STAT4: variants seen among roughly 807,000 people sequenced by gnomAD.
STAT4 encodes signal transducer and activator of transcription 4.
STAT4 carries 42 observed loss-of-function variants against 110.5 expected under a neutral mutation model. The observed-to-expected ratio is 0.38, with a 90% CI of 0.30 to 0.49. The LOEUF is 0.49. Among genes scored for constraint, STAT4 ranks in the 20% least tolerant of loss-of-function variants. The pLI is 0.95. For synonymous variants in STAT4, 284 were observed against 302.2 expected (o/e 0.94, Z 0.63); for missense variants, 632 against 887.9 (o/e 0.71, Z 3.66).
At chr2:191,100,377 G>A (rs1338065622) in intron 3 of STAT4, among the ~76,000 whole-genome samples, 3 of 152,176 alleles carry the variant, frequency 2.0e-5, no homozygotes, top group African/African-American at 7.2e-5. Context: ...TGGGCATGAG[G>A]ATGGCCCAGA....
intron 3 of STAT4, among the ~76,000 whole-genome samples, chr2:191,094,821 T>G (rs531608064): frequency 6.8e-6 from 1 of 147,828 alleles, no homozygotes; most frequent in South Asian, 2.1e-4. Flanking sequence ...TCAAGACCCA[T>G]CAGTGTGCTA....
At chr2:191,126,511 C>T (rs1046079938) in intron 3 of STAT4, among the ~76,000 whole-genome samples, 7 of 152,212 alleles carry the variant, frequency 4.6e-5, no homozygotes, top group African/African-American at 1.2e-4. Context: ...ACTGTGAACA[C>T]CTTCATGTCG....
rs184000851 is a variant in STAT4, at chr2:191,048,416, G to T, written c.1251+6074C>A. Among the ~76,000 whole-genome samples the T allele has an allele frequency of 1.1e-4, 16 of 152,248 alleles. No individual in the cohort carries two copies. The South Asian group carries it at 3.1e-3, about 30-fold the overall frequency. The stretch of plus-strand genomic sequence containing the variant: ...TATTTCATCAGTGTAGTCTAAGCTA[G>T]AACACTATTCAGTCTCACATTCGCA... On this transcript the variant is annotated intron_variant, in intron 14 of 23. Transcript: ENST00000392320.
At position 191,097,511 on chromosome 2, in the gene STAT4, A is replaced by C. The variant is rs186550970; in HGVS notation, c.274-21186T>G. 5.2e-3 allele frequency among the ~76,000 whole-genome samples: 784 copies of C among 152,212 alleles called. 7 individuals carry two copies. The highest frequency in any genetic ancestry group is 0.018 in the African/African-American group (738 of 41,502). On this transcript the variant is annotated intron_variant, in intron 3 of 23. Transcript: ENST00000392320. ...CTTTGACAAACCTGAGAAAAACAAG[A>C]AATGGGGAAAGGATTCCCTATTTAA...
At chr2:191,123,461 C>G (rs1383511353) in intron 3 of STAT4, among the ~76,000 whole-genome samples, 1 of 152,166 alleles carries the variant, frequency 6.6e-6, no homozygotes, top group Non-Finnish European at 1.5e-5. Flanking sequence ...TCTTCTGGTC[C>G]CATCCAGCCT....
At position 191,098,269 on chromosome 2, in the gene STAT4, A is replaced by G. The variant is rs183085774; in HGVS notation, c.274-21944T>C. Among the ~76,000 whole-genome samples the G allele has an allele frequency of 5.8e-3, 883 of 152,350 alleles. 9 individuals are homozygous for G. Among genetic ancestry groups the G allele is most frequent in the Admixed American group, 0.015 (231 of 15,304 alleles). On this transcript the variant is annotated intron_variant, in intron 3 of 23. Transcript: ENST00000392320. ...CCAGCGATCCCATTACTGGGTATAC[A>G]TCCAAAGGATTATAAATCATTCTAC...
chr2:191,118,903 T>C (rs1039353893), intron 3 of STAT4, among the ~76,000 whole-genome samples: 3 of 152,148 alleles, frequency 2.0e-5, no homozygotes, highest in Admixed American at 1.3e-4. Flanking sequence ...GAAGTAAATG[T>C]GCATGCCACC....
Position 191,147,650 on chromosome 2 carries a change from A to G in STAT4, c.128+426T>C, listed in dbSNP as rs1385643506. ...TGAATAGTACACCAAAAACAATGGT[A>G]AATTTTATGTTATGTGTATTTTACC... On this transcript the variant is annotated intron_variant, in intron 2 of 23. Transcript: ENST00000392320. This position sits in a 1 kb window ranked among gnomAD's most constrained non-coding sequence, Gnocchi z 4.1. 6.6e-6 allele frequency among the ~76,000 whole-genome samples: 1 copy of G among 152,186 alleles called. No individual in the cohort carries two copies. Among genetic ancestry groups the G allele is most frequent in the African/African-American group, 2.4e-5 (1 of 41,456 alleles).
At position 191,053,191 on chromosome 2, in the gene STAT4, A is replaced by G. The variant is rs750194667; in HGVS notation, c.1251+1299T>C. Among the ~76,000 whole-genome samples the G allele has an allele frequency of 3.9e-5, 6 of 152,166 alleles. No individual in the cohort carries two copies. Among genetic ancestry groups the G allele is most frequent in the Non-Finnish European group, 5.9e-5 (4 of 68,026 alleles). Reference sequence around the variant, plus strand: ...ACAATTCAAAGATCTTTTTCATGGGAGCTGTGACTATAAAGCCAAGAGTTT... The same window carrying G: ...ACAATTCAAAGATCTTTTTCATGGGGGCTGTGACTATAAAGCCAAGAGTTT... On this transcript the variant is annotated intron_variant, in intron 14 of 23. Transcript: ENST00000392320. This position sits in a 1 kb window ranked among gnomAD's most constrained non-coding sequence, Gnocchi z 4.5.
intron 3 of STAT4, among the ~76,000 whole-genome samples, chr2:191,120,199 A>G (rs967720385): frequency 6.6e-6 from 1 of 152,222 alleles, no homozygotes; most frequent in Admixed American, 6.5e-5. Context: ...ATTGAGCCTC[A>G]ATTAAAACTA....
intron 3 of STAT4, among the ~76,000 whole-genome samples, chr2:191,088,010 T>A (rs1480730730): frequency 6.6e-6 from 1 of 152,158 alleles, no homozygotes; most frequent in Non-Finnish European, 1.5e-5. Context: ...ACCACTCCTA[T>A]TCAGCATCAT....
At chr2:191,149,626 G>T (rs992278217) in intron 1 of STAT4, among the ~76,000 whole-genome samples, 14 of 152,142 alleles carry the variant, frequency 9.2e-5, no homozygotes, top group African/African-American at 3.4e-4. Context: ...AATGTGTGAG[G>T]CTTCTAAGGG....
rs953345164 is a variant in STAT4, at chr2:191,086,990, A to G, written c.274-10665T>C. On this transcript the variant is annotated intron_variant, in intron 3 of 23. Transcript: ENST00000392320. This position sits in a 1 kb window ranked among gnomAD's most constrained non-coding sequence, Gnocchi z 5.5. ...TGAAGTGCCTCAGAGGCTCTAGAAA[A>G]CTAGTATAGAGACTGATTGCTCTTG... Among the ~76,000 whole-genome samples the G allele has an allele frequency of 6.6e-6, 1 of 152,060 alleles. No homozygotes were observed. The highest frequency in any genetic ancestry group is 1.5e-5 in the Non-Finnish European group (1 of 67,994).
intron 3 of STAT4, among the ~76,000 whole-genome samples, chr2:191,137,905 C>T (rs1699222784): frequency 2.0e-5 from 3 of 152,034 alleles, no homozygotes; most frequent in African/African-American, 7.2e-5. Flanking sequence ...TTATAAACTG[C>T]TACAAGATAA....
intron 3 of STAT4, among the ~76,000 whole-genome samples, chr2:191,106,483 C>T (rs889460260): frequency 7.3e-5 from 11 of 151,486 alleles, no homozygotes; most frequent in Non-Finnish European, 1.5e-4. Flanking sequence ...GGTGAAATTT[C>T]GTCTCTACTA....
chr2:191,129,194 T>G (rs1698963661), intron 3 of STAT4, among the ~76,000 whole-genome samples: 1 of 152,166 alleles, frequency 6.6e-6, no homozygotes, highest in Admixed American at 6.5e-5. Context: ...CATGAATTCA[T>G]TTACCAGTTA....
intron 13 of STAT4, among the ~76,000 whole-genome samples, chr2:191,055,418 A>C (rs1696658062): frequency 8.1e-6 from 1 of 123,218 alleles, no homozygotes; most frequent in Non-Finnish European, 1.6e-5. Flanking sequence ...ACGGGGTTTC[A>C]CTGTGTTAGC....
Position 191,031,247 on chromosome 2 carries a change from G to C in STAT4, c.2112-167C>G. 2.3e-6 allele frequency: 2 copies of C among 872,628 alleles called. No homozygotes were observed. Among genetic ancestry groups the C allele is most frequent in the Non-Finnish European group, 1.8e-6 (1 of 569,674 alleles). 54.1% of individuals were successfully genotyped at this position (872,628 alleles called of 1,614,324 possible). On this transcript the variant is annotated intron_variant, in intron 22 of 23. Transcript: ENST00000392320. This position sits in a 1 kb window ranked among gnomAD's most constrained non-coding sequence, Gnocchi z 4.8. ...CACTCAACTTACTGTGGCATATATG[G>C]CATATAAAAGGGGAATTTTATAATT...
chr2:191,106,248 G>T (rs1355098736), intron 3 of STAT4, among the ~76,000 whole-genome samples: 1 of 151,982 alleles, frequency 6.6e-6, no homozygotes, highest in East Asian at 1.9e-4. Flanking sequence ...TTGTGCTTTT[G>T]TGGCTTTTTT....
Sources: gnomAD v4.1 joint callset for allele counts (sites outside exome capture counted in the v4.1 genomes callset) on GRCh38, gnomAD v4.1.1 for gene constraint, Gnocchi (gnomAD v3.1) non-coding constraint, MANE v1.5 for transcripts, NCBI Gene and HGNC (gene_info 2026-07-23, HGNC 2026-07-21) for gene names.